Variants in HPSE2 observed in about 807,000 individuals in gnomAD.
HPSE2 encodes heparanase 2 (inactive).
HPSE2 carries 38 observed loss-of-function variants against 60.5 expected under a neutral mutation model. The observed-to-expected ratio is 0.63, with a 90% CI of 0.48 to 0.82. The LOEUF (loss-of-function observed/expected upper bound fraction) is 0.82, where lower values mean the gene tolerates loss of function less well. HPSE2 is among the 40% of genes least tolerant of loss of function. The pLI is 0.00. For synonymous variants in HPSE2, 295 were observed against 293.2 expected (o/e 1.01, Z -0.06); for missense variants, 713 against 740.4 (o/e 0.96, Z 0.43).
At position 99,102,934 on chromosome 10, in the gene HPSE2, C is replaced by A. The variant is rs563862131; in HGVS notation, c.610+41304G>T. Among the ~76,000 whole-genome samples the A allele has an allele frequency of 1.8e-4, 28 of 152,212 alleles. No individual in the cohort carries two copies. In the East Asian group the frequency reaches 4.2e-3, roughly 23 times the overall value. On this transcript the variant is annotated intron_variant, in intron 3 of 11. Transcript: ENST00000370552. ...AAGGCCTGTGACAAAATTCAACAACCCTTCATGCTAAAAACTCTCAATACA... is the reference window on the plus strand; with the variant it reads ...AAGGCCTGTGACAAAATTCAACAACACTTCATGCTAAAAACTCTCAATACA...
At position 98,937,177 on chromosome 10, in the gene HPSE2, C is replaced by G. The variant is rs1954825397; in HGVS notation, c.611-193121G>C. Among the ~76,000 whole-genome samples the G allele has an allele frequency of 4.9e-5, 7 of 143,808 alleles. 3 individuals are homozygous for G. Among genetic ancestry groups the G allele is most frequent in the African/African-American group, 2.0e-4 (7 of 35,312 alleles). 94.3% of individuals were successfully genotyped at this position (143,808 alleles called of 152,430 possible). On this transcript the variant is annotated intron_variant, in intron 3 of 11. Coordinates refer to ENST00000370552, the MANE Select transcript of HPSE2 (RefSeq NM_021828.5). ...AAGCGACACAGAACACGGGTGATTT[C>G]TGCATTTCCATCTGAGGTACCAGGT...
At chr10:98,885,684 AG>A (rs1336651620) in intron 3 of HPSE2, among the ~76,000 whole-genome samples, 1 of 152,086 alleles carries the variant, frequency 6.6e-6, no homozygotes, top group Non-Finnish European at 1.5e-5. Flanking sequence ...TTGCCACTAA[AG>A]TTTTTTTTTA....
intron 3 of HPSE2, among the ~76,000 whole-genome samples, chr10:98,945,723 T>C (rs1301394111): frequency 6.6e-6 from 1 of 152,158 alleles, no homozygotes; most frequent in East Asian, 1.9e-4. Flanking sequence ...TTACTTTCTT[T>C]TCAAAGTTTT....
rs553882175 is a variant in HPSE2 at position 98,858,220 on chromosome 10, T to C, written c.611-114164A>G. On this transcript the variant is annotated intron_variant, in intron 3 of 11. Transcript: ENST00000370552. Reference sequence around the variant, plus strand: ...ACATCCCAATCTTTGAAAGATGAAATTTGGTTTTCCAACTATCAAGACAAA... The same window carrying C: ...ACATCCCAATCTTTGAAAGATGAAACTTGGTTTTCCAACTATCAAGACAAA... Among the ~76,000 whole-genome samples, 12 of 152,294 alleles carry C rather than the reference T, an allele frequency of 7.9e-5. No homozygotes were observed. The South Asian group carries it at 2.3e-3, about 29-fold the overall frequency.
chr10:99,019,346 C>T (rs1008973798), intron 3 of HPSE2, among the ~76,000 whole-genome samples: 4 of 152,188 alleles, frequency 2.6e-5, no homozygotes, highest in African/African-American at 9.6e-5. Context: ...ATGTCCTCTG[C>T]ATCAGAGGCA....
chr10:98,674,352 A>G (rs1222585985), intron 6 of HPSE2, among the ~76,000 whole-genome samples: 1 of 152,200 alleles, frequency 6.6e-6, no homozygotes, highest in Non-Finnish European at 1.5e-5. Context: ...GAAAAGAAAG[A>G]TGGCTAGATT....
intron 3 of HPSE2, among the ~76,000 whole-genome samples, chr10:98,825,782 CA>C (rs1951532526): frequency 6.6e-6 from 1 of 152,168 alleles, no homozygotes; most frequent in South Asian, 2.1e-4. Flanking sequence ...CTCACTTAAG[CA>C]AAAGGAAAAG....
At chr10:98,947,224 A>G (rs1283820438) in intron 3 of HPSE2, among the ~76,000 whole-genome samples, 1 of 152,212 alleles carries the variant, frequency 6.6e-6, no homozygotes, top group East Asian at 1.9e-4. Context: ...GAAAGTGTGA[A>G]AACCTTGCAA....
At chr10:99,223,744 T>C (rs1849385857) in intron 2 of HPSE2, among the ~76,000 whole-genome samples, 1 of 152,174 alleles carries the variant, frequency 6.6e-6, no homozygotes, top group Non-Finnish European at 1.5e-5. Context: ...AGGACAAAAA[T>C]GACTTGCTTA....
At chr10:98,615,988 G>A (rs1298279861) in intron 8 of HPSE2, among the ~76,000 whole-genome samples, 1 of 152,108 alleles carries the variant, frequency 6.6e-6, no homozygotes, top group Non-Finnish European at 1.5e-5. Context: ...CAAGACACAT[G>A]AAACTACTCT....
intron 6 of HPSE2, among the ~76,000 whole-genome samples, chr10:98,672,760 A>G (rs1214842581): frequency 6.6e-6 from 1 of 152,180 alleles, no homozygotes; most frequent in East Asian, 1.9e-4. Flanking sequence ...TCTTAAGAGG[A>G]AAAATGTAAA....
At chr10:98,914,735 A>G (rs117988141) in intron 3 of HPSE2, among the ~76,000 whole-genome samples, 3 of 151,672 alleles carry the variant, frequency 2.0e-5, no homozygotes, top group Non-Finnish European at 4.4e-5. Flanking sequence ...CCCAGGTCCT[A>G]TGAAAAACCA....
At chr10:99,101,056 G>A (rs574727806) in intron 3 of HPSE2, among the ~76,000 whole-genome samples, 4 of 152,256 alleles carry the variant, frequency 2.6e-5, no homozygotes, top group South Asian at 2.1e-4. Flanking sequence ...AAAGACCATC[G>A]AGGCTAGGAA....
chr10:98,694,011 A>G, intron 5 of HPSE2, 64 bp from the exon 6 acceptor site: 2 of 1,304,814 alleles, frequency 1.5e-6, no homozygotes, highest in Non-Finnish European at 2.2e-6. Context: ...CTAAATCAAA[A>G]GGAAATAAAC....
At chr10:99,240,094 C>T (rs989625952), upstream of HPSE2, among the ~76,000 whole-genome samples, 2 of 151,804 alleles carry the variant, frequency 1.3e-5, no homozygotes, top group Admixed American at 1.3e-4. Context: ...AAGGCTGAGG[C>T]AGGAAAATCA....
intron 9 of HPSE2, among the ~76,000 whole-genome samples, chr10:98,565,014 T>C (rs967294249): frequency 2.0e-5 from 3 of 151,814 alleles, no homozygotes; most frequent in African/African-American, 7.3e-5. Flanking sequence ...CCACATTATA[T>C]TACTTGGTAC....
intron 6 of HPSE2, among the ~76,000 whole-genome samples, chr10:98,683,928 GA>G (rs1211997704): frequency 2.0e-5 from 3 of 152,060 alleles, no homozygotes; most frequent in Non-Finnish European, 4.4e-5. Context: ...GCAGGACCAA[GA>G]AAAGGATTGG....
At chr10:98,959,566 C>A (rs373305057) in intron 3 of HPSE2, among the ~76,000 whole-genome samples, 4 of 152,050 alleles carry the variant, frequency 2.6e-5, no homozygotes, top group African/African-American at 9.7e-5. Context: ...CTAATGTGTT[C>A]AATGATCTAC....
At chr10:98,660,784 A>C (rs1947201864) in intron 6 of HPSE2, among the ~76,000 whole-genome samples, 1 of 152,192 alleles carries the variant, frequency 6.6e-6, no homozygotes, top group Non-Finnish European at 1.5e-5. Context: ...TGGTCATGGC[A>C]TTTGGTGTCC....
Sources: gnomAD v4.1 joint callset for allele counts (sites outside exome capture counted in the v4.1 genomes callset) on GRCh38, gnomAD v4.1.1 for gene constraint, MANE v1.5 for transcripts, NCBI Gene and HGNC (gene_info 2026-07-23, HGNC 2026-07-21) for gene names.